Variants in ZMYM5 observed in about 807,000 individuals in gnomAD.
The protein encoded by ZMYM5 is zinc finger MYM-type containing 5, also known as zinc finger MYM-type protein 5.
A neutral mutation model predicts 61.8 loss-of-function variants in ZMYM5; 41 were observed. The observed-to-expected ratio is 0.66, with a 90% CI of 0.52 to 0.86. ZMYM5 has a LOEUF of 0.86. Ranked by LOEUF, ZMYM5 falls within the 40% of genes least tolerant of loss-of-function variation. The pLI is 0.00. For synonymous variants in ZMYM5, 257 were observed against 276.4 expected (o/e 0.93, Z 0.70); for missense variants, 706 against 786.7 (o/e 0.90, Z 1.23).
chr13:19,857,253 T>G (rs1248921817), intron 2 of ZMYM5, among the ~76,000 whole-genome samples: 1 of 152,242 alleles, frequency 6.6e-6, no homozygotes, highest in East Asian at 1.9e-4. Context: ...GGTATCTTAT[T>G]CATACACAAA....
chr13:19,851,420 G>C lies in ZMYM5; in HGVS notation c.521C>G (p.Pro174Arg). ...KTKTGVRPFN[P>R]GRMNVAGDLF... ...GTCTCCTGCCACATTCATTCTACCA[G>C]GGTTAAAAGGTCTTACTCCAGTCTT... The change falls in exon 4 of 8, where the codon CCT becomes CGT. Residue 174 changes from proline (P) to arginine (R), a missense_variant. Physicochemically the swap from Pro to Arg is moderately radical, Grantham distance 103 (BLOSUM62 -2). Coordinates refer to ENST00000337963, the MANE Select transcript of ZMYM5 (RefSeq NM_001142684.2). The C allele has an allele frequency of 1.9e-6, 3 of 1,614,124 alleles. No homozygotes were observed. Among genetic ancestry groups the C allele is most frequent in the Non-Finnish European group, 2.5e-6 (3 of 1,180,010 alleles).
chr13:19,840,672 C>A (rs1307351330), intron 4 of ZMYM5, among the ~76,000 whole-genome samples: 1 of 152,042 alleles, frequency 6.6e-6, no homozygotes. Flanking sequence ...CCACACCTGG[C>A]CACTTTTTTT....
At chr13:19,840,036 G>A (rs1952812780) in intron 4 of ZMYM5, among the ~76,000 whole-genome samples, 1 of 152,214 alleles carries the variant, frequency 6.6e-6, no homozygotes, top group South Asian at 2.1e-4. Context: ...AAATTAGTAG[G>A]TCTGAGAAGA....
intron 4 of ZMYM5, among the ~76,000 whole-genome samples, chr13:19,850,961 C>T (rs2138609808): frequency 6.6e-6 from 1 of 152,264 alleles, no homozygotes; most frequent in African/African-American, 2.4e-5. Context: ...GTAATTCCAA[C>T]ACTTTGGGAA....
chr13:19,825,207 G>A lies in ZMYM5; in HGVS notation c.1280C>T (p.Thr427Ile). The change falls in exon 8 of 8, where the codon ACA becomes ATA. Residue 427 changes from threonine to isoleucine, a missense_variant. Around this residue, in one of 2 missense-constraint regions of ZMYM5, gnomAD observed 226 missense variants for 325.0 expected, o/e 0.70. Transcript: ENST00000337963. ...QMMETKSKKLTASENRKRNAF... is the reference protein window; with the variant it reads ...QMMETKSKKLIASENRKRNAF... ...ATTCCTTTTTCTATTTTCTGATGCT[G>A]TTAATTTTTTTGATTTTGTTTCCAT... 1 of 1,264,974 alleles carries A rather than the reference G, an allele frequency of 7.9e-7. No homozygotes were observed. The highest frequency in any genetic ancestry group is 1.4e-5 in the South Asian group (1 of 72,888). The allele number at this position is 1,264,974 out of a possible 1,614,324, so 78.4% of individuals were successfully genotyped here. A position where few individuals can be genotyped will look rare whatever the true frequency, so the allele number is the denominator to read the frequency against.
chr13:19,837,329 G>C, intron 6 of ZMYM5: 1 of 1,047,206 alleles, frequency 9.5e-7, no homozygotes. Flanking sequence ...CCAAGGGGTA[G>C]TTTTCCAGCC....
At chr13:19,857,384 T>C (rs1243865739) in intron 2 of ZMYM5, among the ~76,000 whole-genome samples, 1 of 152,206 alleles carries the variant, frequency 6.6e-6, no homozygotes, top group Non-Finnish European at 1.5e-5. Flanking sequence ...AATGAATAAA[T>C]GTACTTTGAC....
chr13:19,838,435 G>A (rs1952745899), intron 5 of ZMYM5, among the ~76,000 whole-genome samples: 1 of 152,184 alleles, frequency 6.6e-6, no homozygotes, highest in Non-Finnish European at 1.5e-5. Flanking sequence ...AAGGTGTTAA[G>A]ATGGGGGAGC....
chr13:19,839,015 GAACA>G (rs1484130717), intron 4 of ZMYM5, 30 bp from the exon 5 acceptor site: 2 of 1,590,894 alleles, frequency 1.3e-6, no homozygotes, highest in Non-Finnish European at 1.7e-6. Flanking sequence ...AAAAATCATG[GAACA>G]AATCAAAATG....
At chr13:19,855,438 A>C (rs1421052398) in intron 2 of ZMYM5, among the ~76,000 whole-genome samples, 2 of 151,160 alleles carry the variant, frequency 1.3e-5, no homozygotes, top group African/African-American at 4.9e-5. Flanking sequence ...AATTTTTTGT[A>C]TTTTTAGTAG....
rs939299949 is a variant in ZMYM5, at chr13:19,824,837, A to T, written c.1650T>A (p.Phe550Leu). The T allele has an allele frequency of 7.4e-7, 1 of 1,352,048 alleles. No homozygotes were observed. Among genetic ancestry groups the T allele is most frequent in the Non-Finnish European group, 9.9e-7 (1 of 1,013,054 alleles). The allele number at this position is 1,352,048 out of a possible 1,614,324, so 83.8% of individuals were successfully genotyped here. Residue 550 changes from phenylalanine to leucine, a missense_variant, in exon 8 of 8, where the codon TTT (phenylalanine) becomes TTA (leucine). Around this residue, in one of 2 missense-constraint regions of ZMYM5, gnomAD observed 226 missense variants for 325.0 expected, o/e 0.70. Transcript: ENST00000337963. ...ACTTCCTCCCTGTATTATCTTTTGG[A>T]AAGTTAAAATTTCTTACTTGAGGCG... ...NVPPQVRNFN[F>L]PKDNTGRKFS...
chr13:19,824,717 AC>A lies in ZMYM5; in HGVS notation c.1769del (p.Cys590PhefsTer14), dbSNP rs1566081567. The A allele has an allele frequency of 2.2e-6, 3 of 1,357,700 alleles. No individual in the cohort carries two copies. Among genetic ancestry groups the A allele is most frequent in the Non-Finnish European group, 2.9e-6 (3 of 1,017,980 alleles). The allele number at this position is 1,357,700 out of a possible 1,614,324, so 84.1% of individuals were successfully genotyped here. On this transcript the variant is annotated frameshift_variant, in exon 8 of 8. Coordinates refer to ENST00000337963, the MANE Select transcript of ZMYM5 (RefSeq NM_001142684.2). LOFTEE classifies it high-confidence loss of function. ...LYSTSKDSVFCLYCKLFGEGK... is the reference protein window; with the variant it reads ...LYSTSKDSVFXLYCKLFGEGK... ...CTTCCCCAAAGAGTTTGCAATATAG[AC>A]AAAACACAGAATCTTTTGAGGTTGA...
chr13:19,854,500 C>T (rs922501237), intron 2 of ZMYM5, among the ~76,000 whole-genome samples: 12 of 151,936 alleles, frequency 7.9e-5, no homozygotes, highest in African/African-American at 2.9e-4. Flanking sequence ...TGGCAGGCGC[C>T]TGTAATCCCA....
chr13:19,835,639 G>A lies in ZMYM5; in HGVS notation c.1089C>T (p.Asn363=). The A allele has an allele frequency of 7.3e-7, 1 of 1,367,628 alleles. No individual in the cohort carries two copies. Among genetic ancestry groups the A allele is most frequent in the Non-Finnish European group, 9.8e-7 (1 of 1,021,848 alleles). 84.7% of individuals were successfully genotyped at this position (1,367,628 alleles called of 1,614,324 possible). A position where few individuals can be genotyped will look rare whatever the true frequency, so the allele number is the denominator to read the frequency against. ...VNNVTHKLCS[N]HCFNKYRLAN... Reference sequence around the variant, plus strand: ...CCAATCTGTACTTATTAAAGCAATGGTTACTGCACAGTTTATGTGTTACAT... The same window carrying A: ...CCAATCTGTACTTATTAAAGCAATGATTACTGCACAGTTTATGTGTTACAT... The change falls in exon 7 of 8, where the codon AAC becomes AAT. Residue 363 remains asparagine, a synonymous_variant. Coordinates refer to ENST00000337963, the MANE Select transcript of ZMYM5 (RefSeq NM_001142684.2).
At chr13:19,843,672 C>T (rs1566097433) in intron 4 of ZMYM5, 1 of 151,706 alleles carries the variant, frequency 6.6e-6, no homozygotes, top group Non-Finnish European at 1.5e-5. Context: ...CCTGTCTCTA[C>T]AAAAAATACA....
At chr13:19,847,794 G>C (rs1468270455) in intron 4 of ZMYM5, among the ~76,000 whole-genome samples, 1 of 126,198 alleles carries the variant, frequency 7.9e-6, no homozygotes, top group Non-Finnish European at 1.6e-5. Flanking sequence ...CTGCCACCAT[G>C]CCCGGCTAAT....
chr13:19,850,601 CAAAT>C (rs369546833), intron 4 of ZMYM5, among the ~76,000 whole-genome samples: 32 of 151,182 alleles, frequency 2.1e-4, no homozygotes, highest in East Asian at 3.9e-4. Flanking sequence ...AACTCTGTCT[CAAAT>C]AAATAAATAA....
At chr13:19,835,731 C>G (rs1676479223) in intron 6 of ZMYM5, 42 bp from the exon 7 acceptor site, 4 of 1,323,662 alleles carry the variant, frequency 3.0e-6, no homozygotes, top group Non-Finnish European at 4.1e-6. Flanking sequence ...ATATATGAAC[C>G]AGATTAGCAT....
intron 4 of ZMYM5, among the ~76,000 whole-genome samples, chr13:19,847,572 A>G (rs1034796178): frequency 2.2e-4 from 34 of 151,756 alleles, no homozygotes; most frequent in African/African-American, 6.3e-4. Flanking sequence ...GAAAATAGTT[A>G]TTTTTCATTA....
Sources: allele counts gnomAD v4.1 joint callset (sites outside exome capture counted in the v4.1 genomes callset), GRCh38; gene constraint gnomAD v4.1.1; regional missense constraint gnomAD v4.1.1; transcripts MANE v1.5; gene names NCBI Gene and HGNC (gene_info 2026-07-23, HGNC 2026-07-21).